GALNT17: variants seen among roughly 807,000 people sequenced by gnomAD.
The protein encoded by GALNT17 is UDP-GalNAc:polypeptide N-acetylgalactosaminyltransferase-like 3.
Under a neutral mutation model 63.7 loss-of-function variants are expected in GALNT17, and 29 were observed. The observed-to-expected ratio is 0.46, with a 90% CI of 0.34 to 0.62. GALNT17 has a LOEUF of 0.62. Among genes scored for constraint, GALNT17 ranks in the 20% least tolerant of loss-of-function variants. The pLI, the probability that GALNT17 is intolerant of heterozygous loss-of-function variation, is 0.01. For missense variants in GALNT17, 603 were observed against 799.6 expected (o/e 0.75, Z 2.97); for synonymous variants, 305 against 318.3 (o/e 0.96, Z 0.45).
chr7:71,499,228 A>G (rs1203588681), intron 5 of GALNT17, among the ~76,000 whole-genome samples: 6 of 152,074 alleles, frequency 3.9e-5, no homozygotes. Context: ...CAAGGCCCCT[A>G]TTGGGGCAGG....
intron 3 of GALNT17, among the ~76,000 whole-genome samples, chr7:71,389,823 T>C (rs1405066362): frequency 1.3e-5 from 2 of 152,150 alleles, no homozygotes; most frequent in Non-Finnish European, 2.9e-5. Context: ...TAAGTAGAAG[T>C]GAGTGGTGTT....
intron 9 of GALNT17, among the ~76,000 whole-genome samples, chr7:71,689,129 G>A (rs1791405193): frequency 6.6e-6 from 1 of 152,210 alleles, no homozygotes; most frequent in South Asian, 2.1e-4. Flanking sequence ...TAAATGTTGT[G>A]TGTGTTTGAC....
At chr7:71,530,092 G>A (rs1034753877) in intron 5 of GALNT17, among the ~76,000 whole-genome samples, 1 of 152,210 alleles carries the variant, frequency 6.6e-6, no homozygotes, top group African/African-American at 2.4e-5. Flanking sequence ...AACCAAGGCA[G>A]TGTCTGGCTA....
chr7:71,513,156 C>G (rs116718936), intron 5 of GALNT17, among the ~76,000 whole-genome samples: 2 of 152,154 alleles, frequency 1.3e-5, no homozygotes, highest in East Asian at 3.9e-4. Context: ...GTCAAGGAAC[C>G]CTGAATTCCA....
At chr7:71,438,542 T>G (rs1335112718) in intron 5 of GALNT17, among the ~76,000 whole-genome samples, 1 of 152,214 alleles carries the variant, frequency 6.6e-6, no homozygotes, top group Non-Finnish European at 1.5e-5. Flanking sequence ...ACAGATGCAT[T>G]GGATGAGATG....
At chr7:71,680,806 TTTCTTC>T (rs1216268984) in intron 9 of GALNT17, among the ~76,000 whole-genome samples, 1 of 147,768 alleles carries the variant, frequency 6.8e-6, no homozygotes, top group African/African-American at 2.5e-5. Flanking sequence ...CCTTCCTTCC[TTTCTTC>T]CTTCCTTCCT....
chr7:71,450,975 C>A (rs2116549426), intron 5 of GALNT17, among the ~76,000 whole-genome samples: 1 of 149,416 alleles, frequency 6.7e-6, no homozygotes, highest in Middle Eastern at 3.5e-3. Flanking sequence ...TACATGTGCA[C>A]AATGTGCAGG....
intron 9 of GALNT17, among the ~76,000 whole-genome samples, chr7:71,693,337 A>T (rs1791491174): frequency 7.0e-6 from 1 of 142,996 alleles, no homozygotes; most frequent in Non-Finnish European, 1.5e-5. Context: ...CAAGACCAAA[A>T]CAATGCAATG....
At chr7:71,141,872 G>GTGTGTA (rs1787899866) in intron 1 of GALNT17, among the ~76,000 whole-genome samples, 2 of 142,714 alleles carry the variant, frequency 1.4e-5, no homozygotes, top group Admixed American at 7.4e-5. Context: ...GTGTGTGTGT[G>GTGTGTA]TGTGTGTATG....
chr7:71,680,787 CCCTTCCTTCCTTCCTTCCTTTCTT>C (rs1344705156), intron 9 of GALNT17, among the ~76,000 whole-genome samples: 1 of 142,842 alleles, frequency 7.0e-6, no homozygotes, highest in African/African-American at 2.7e-5. Context: ...TCTTTCTTTT[CCCTTCCTTCCTTCCTTCCTTTCTT>C]CCTTCCTTCC....
At chr7:71,595,039 A>G (rs139612753) in intron 6 of GALNT17, among the ~76,000 whole-genome samples, 1 of 152,330 alleles carries the variant, frequency 6.6e-6, no homozygotes, top group Non-Finnish European at 1.5e-5. Context: ...GGAGAACTCT[A>G]TGTGATAACA....
At chr7:71,425,778 A>G (rs1430341702) in intron 5 of GALNT17, among the ~76,000 whole-genome samples, 5 of 152,100 alleles carry the variant, frequency 3.3e-5, no homozygotes. Context: ...TGTGGGTGCC[A>G]TGGAGGATGT....
intron 1 of GALNT17, among the ~76,000 whole-genome samples, chr7:71,144,497 C>G (rs1420132863): frequency 6.6e-6 from 1 of 152,104 alleles, no homozygotes; most frequent in Non-Finnish European, 1.5e-5. Flanking sequence ...AGAGGTCACA[C>G]CTATCTAGAC....
chr7:71,239,450 C>A (rs560556793), intron 1 of GALNT17, among the ~76,000 whole-genome samples: 3 of 152,296 alleles, frequency 2.0e-5, no homozygotes, highest in East Asian at 1.9e-4. Flanking sequence ...CCAGCCTAGA[C>A]AACAGAGAGA....
chr7:71,336,274 A>G (rs1791905136), intron 2 of GALNT17, among the ~76,000 whole-genome samples: 1 of 151,792 alleles, frequency 6.6e-6, no homozygotes, highest in African/African-American at 2.4e-5. Context: ...CGAACTCCTG[A>G]CCTCAGGTGA....
At chr7:71,452,686 G>T (rs1164846136) in intron 5 of GALNT17, among the ~76,000 whole-genome samples, 3 of 152,160 alleles carry the variant, frequency 2.0e-5, no homozygotes, top group Non-Finnish European at 2.9e-5. Context: ...TGCTTCCTTG[G>T]TTTGTTCCTG....
intron 1 of GALNT17, among the ~76,000 whole-genome samples, chr7:71,152,697 A>G (rs755027790): frequency 1.3e-5 from 2 of 151,808 alleles, no homozygotes; most frequent in East Asian, 1.9e-4. Context: ...CAGTGGTGCA[A>G]TCTCTGCTCA....
intron 1 of GALNT17, among the ~76,000 whole-genome samples, chr7:71,280,831 G>C (rs938229666): frequency 1.3e-5 from 2 of 152,124 alleles, no homozygotes; most frequent in African/African-American, 4.8e-5. Flanking sequence ...AGGGGATGGG[G>C]GCCTACAGTT....
At chr7:71,136,634 G>A (rs966161808) in intron 1 of GALNT17, among the ~76,000 whole-genome samples, 1 of 151,918 alleles carries the variant, frequency 6.6e-6, no homozygotes, top group Non-Finnish European at 1.5e-5. Context: ...ACAGGCACCC[G>A]CCACCATGCC....
Sources: gnomAD v4.1 joint callset for allele counts (sites outside exome capture counted in the v4.1 genomes callset) on GRCh38, gnomAD v4.1.1 for gene constraint, MANE v1.5 for transcripts, NCBI Gene and HGNC (gene_info 2026-07-23, HGNC 2026-07-21) for gene names.